Variants in NOXRED1 observed in about 807,000 individuals in gnomAD.
NOXRED1 encodes the protein NADP dependent oxidoreductase domain containing 1.
NOXRED1 carries 20 observed loss-of-function variants against 30.4 expected under a neutral mutation model. That is an observed-to-expected ratio of 0.66 (90% CI 0.46 to 0.96). The LOEUF is 0.96. Among genes scored for constraint, NOXRED1 ranks in the 40% least tolerant of loss-of-function variants. NOXRED1 has a pLI of 0.00. For synonymous variants in NOXRED1, 155 were observed against 168.0 expected (o/e 0.92, Z 0.60); for missense variants, 374 against 428.0 (o/e 0.87, Z 1.11).
chr14:77,409,809 G>A (rs1005734752), intron 2 of NOXRED1, among the ~76,000 whole-genome samples: 1 of 150,594 alleles, frequency 6.6e-6, no homozygotes, highest in Non-Finnish European at 1.5e-5. Context: ...TATACCTTGA[G>A]ATTTTTTTTT....
chr14:77,420,830 GTCAAATCTT>G (rs1440199261), intron 1 of NOXRED1, among the ~76,000 whole-genome samples: 1 of 152,168 alleles, frequency 6.6e-6, no homozygotes, highest in Non-Finnish European at 1.5e-5. Flanking sequence ...TCTGGGGCCT[GTCAAATCTT>G]TCCAGGAATG....
intron 5 of NOXRED1, among the ~76,000 whole-genome samples, chr14:77,397,915 T>C (rs1231512569): frequency 6.6e-6 from 1 of 152,088 alleles, no homozygotes; most frequent in Non-Finnish European, 1.5e-5. Context: ...GAATTCCAGT[T>C]TCTGGTCTGA....
At chr14:77,406,521 C>T in intron 4 of NOXRED1, 1 of 659,022 alleles carries the variant, frequency 1.5e-6, no homozygotes, top group East Asian at 2.7e-5. Flanking sequence ...TTTAATTTGT[C>T]CTTAAGAAGT....
chr14:77,399,024 G>A (rs176766), intron 5 of NOXRED1, among the ~76,000 whole-genome samples: 66,910 of 151,908 alleles, frequency 0.44, 17,285 homozygotes, highest in East Asian at 0.92. Context: ...GGTACATCAT[G>A]TCTGACTATC....
At position 77,423,295 on chromosome 14, in the gene NOXRED1, G is replaced by GA. The variant is rs1487452523; in HGVS notation, c.-407dup. On this transcript the variant is annotated 5_prime_UTR_variant, in exon 1 of 6. The change creates a premature stop within an existing upstream ORF in the 5' untranslated region. Coordinates refer to ENST00000380835, the MANE Select transcript of NOXRED1 (RefSeq NM_001113475.3). ...ATTCCCTCCTGCGTTTTGGAAATAG[G>GA]ACTGAACACATAGAACCACATTTCA... Among the ~76,000 whole-genome samples the GA allele has an allele frequency of 1.3e-5, 2 of 152,106 alleles. No individual in the cohort carries two copies. The highest frequency in any genetic ancestry group is 4.8e-5 in the African/African-American group (2 of 41,416).
At chr14:77,418,702 T>C (rs1419015510) in intron 1 of NOXRED1, among the ~76,000 whole-genome samples, 1 of 151,380 alleles carries the variant, frequency 6.6e-6, no homozygotes, top group Non-Finnish European at 1.5e-5. Context: ...GCTAATTGTT[T>C]TTTTTTTTAA....
chr14:77,395,254 C>T (rs749159144), intron 5 of NOXRED1, among the ~76,000 whole-genome samples: 152 of 151,638 alleles, frequency 1.0e-3, no homozygotes, highest in Non-Finnish European at 1.8e-3. Context: ...TACAGGCGCC[C>T]GCCACTACGC....
At chr14:77,406,312 T>A in intron 4 of NOXRED1, 177 bp from the exon 5 acceptor site, 2 of 608,152 alleles carry the variant, frequency 3.3e-6, no homozygotes, top group Non-Finnish European at 5.8e-6. Flanking sequence ...GTGCCCTTTA[T>A]AACACATCAT....
At chr14:77,396,156 G>C (rs976142269) in intron 5 of NOXRED1, among the ~76,000 whole-genome samples, 21 of 151,808 alleles carry the variant, frequency 1.4e-4, no homozygotes, top group African/African-American at 4.8e-4. Flanking sequence ...GCAAGAAAAG[G>C]AAATTAGAAG....
At chr14:77,414,165 G>T in intron 1 of NOXRED1, 38 bp from the exon 2 acceptor site, 2 of 1,238,710 alleles carry the variant, frequency 1.6e-6, no homozygotes, top group Non-Finnish European at 2.2e-6. Context: ...ATAAATACAT[G>T]CACACACTAG....
Position 77,413,980 on chromosome 14 carries a change from G to A in NOXRED1, c.303C>T (p.Ile101=). The A allele has an allele frequency of 1.2e-6, 2 of 1,606,958 alleles. No individual in the cohort carries two copies. The highest frequency in any genetic ancestry group is 1.7e-6 in the Non-Finnish European group (2 of 1,175,290). ...TGGAGATCCGCAGGCTTTCAGCAGG[G>A]ATGGGGCCAAGCTGCAGCAGTGTGC... ...LAGTLLQLGP[I]PAESLRISTR... Residue 101 remains isoleucine (I), a synonymous_variant, in exon 2 of 6, where the codon ATC becomes ATT. Coordinates refer to ENST00000380835, the MANE Select transcript of NOXRED1 (RefSeq NM_001113475.3).
At position 77,422,901 on chromosome 14, in the gene NOXRED1, T is replaced by C; in HGVS notation, c.-12A>G. The C allele has an allele frequency of 6.2e-7, 1 of 1,608,710 alleles. No homozygotes were observed. Among genetic ancestry groups the C allele is most frequent in the Non-Finnish European group, 8.5e-7 (1 of 1,177,760 alleles). On this transcript the variant is annotated 5_prime_UTR_variant, in exon 1 of 6. In the 5' UTR this introduces an upstream ATG that the reference lacks. Transcript: ENST00000380835. Reference sequence around the variant, plus strand: ...TGGAGCATGTCCATTTCCAAGCCACTATTTCCTGCAGTGATAGACACTAAT... The same window carrying C: ...TGGAGCATGTCCATTTCCAAGCCACCATTTCCTGCAGTGATAGACACTAAT...
chr14:77,411,469 CAAAAAAA>C (rs368123770), intron 2 of NOXRED1, among the ~76,000 whole-genome samples: 2 of 97,760 alleles, frequency 2.0e-5, no homozygotes, highest in African/African-American at 3.5e-5. Context: ...GACTCTGTCT[CAAAAAAA>C]AAAAAAAAAA....
upstream of NOXRED1, among the ~76,000 whole-genome samples, chr14:77,425,329 T>C (rs997099311): frequency 6.6e-6 from 1 of 152,182 alleles, no homozygotes; most frequent in Non-Finnish European, 1.5e-5. Flanking sequence ...ATCCAATTTC[T>C]CTAAACAGGT....
At chr14:77,407,684 A>G (rs746073338) in intron 2 of NOXRED1, 39 bp from the exon 3 acceptor site, 14 of 1,482,152 alleles carry the variant, frequency 9.4e-6, no homozygotes, top group South Asian at 1.1e-5. Context: ...GCACAGTACT[A>G]AAGAGTTTGA....
At position 77,416,929 on chromosome 14, in the gene NOXRED1, C is replaced by A. The variant is rs547688611; in HGVS notation, c.156-2802G>T. The stretch of plus-strand genomic sequence containing the variant: ...GGCCCTTTCTTATTTTTAACGTAGG[C>A]ATTTACCCCTATAAAGTTTGCTCAT... On this transcript the variant is annotated intron_variant, in intron 1 of 5. Coordinates refer to ENST00000380835, the MANE Select transcript of NOXRED1 (RefSeq NM_001113475.3). 7.8e-4 allele frequency among the ~76,000 whole-genome samples: 119 copies of A among 152,332 alleles called. 1 individual carries two copies. Among genetic ancestry groups the A allele is most frequent in the Non-Finnish European group, 1.5e-3 (100 of 68,030 alleles).
At chr14:77,404,781 A>G (rs533159103) in intron 5 of NOXRED1, among the ~76,000 whole-genome samples, 47 of 152,330 alleles carry the variant, frequency 3.1e-4, no homozygotes, top group African/African-American at 1.1e-3. Flanking sequence ...GACTGCTTCA[A>G]GAAGGATGGC....
chr14:77,401,023 C>T (rs1425378477), intron 5 of NOXRED1, among the ~76,000 whole-genome samples: 1 of 152,180 alleles, frequency 6.6e-6, no homozygotes, highest in Non-Finnish European at 1.5e-5. Context: ...ACACATTCAA[C>T]GCAATGCCAA....
chr14:77,413,860 A>G, intron 2 of NOXRED1, 74 bp downstream of exon 2: 1 of 994,116 alleles, frequency 1.0e-6, no homozygotes. Context: ...TCTTTGGAGG[A>G]CCCTTTCAAA....
Sources: allele counts gnomAD v4.1 joint callset (sites outside exome capture counted in the v4.1 genomes callset), GRCh38; gene constraint gnomAD v4.1.1; transcripts MANE v1.5; gene names NCBI Gene and HGNC (gene_info 2026-07-23, HGNC 2026-07-21).